The following EXOSC10 variants were observed in gnomAD, a reference collection of about 807,000 sequenced individuals.
The protein encoded by EXOSC10 is exosome complex component 10.
Under a neutral mutation model 126.6 loss-of-function variants are expected in EXOSC10, and 94 were observed. The ratio of observed to expected loss-of-function variants is 0.74; its 90% CI spans 0.63 to 0.88. EXOSC10 has a LOEUF of 0.88. Among genes scored for constraint, EXOSC10 ranks in the 40% least tolerant of loss-of-function variants. EXOSC10 has a pLI of 0.00. For synonymous variants in EXOSC10, 395 were observed against 400.8 expected (o/e 0.99, Z 0.17); for missense variants, 1,041 against 1,100.5 (o/e 0.95, Z 0.77).
chr1:11,074,252 G>A lies in EXOSC10; in HGVS notation c.2061C>T (p.Ser687=), dbSNP rs770358760. 9 of 1,613,770 alleles carry A rather than the reference G, an allele frequency of 5.6e-6. No homozygotes were observed. Among genetic ancestry groups the A allele is most frequent in the Non-Finnish European group, 6.8e-6 (8 of 1,179,804 alleles). Reference sequence around the variant, plus strand: ...TCACCATCCTAAATGGATTTTCAAAGGACTCCATGATGTTCTGGGCTTTTT... The same window carrying A: ...TCACCATCCTAAATGGATTTTCAAAAGACTCCATGATGTTCTGGGCTTTTT... ...AQKKAQNIME[S]FENPFRMFLP... is the part of the protein sequence containing the mutation. The change falls in exon 18 of 25, where the codon TCC becomes TCT. Residue 687 remains serine, a synonymous_variant. Transcript: ENST00000376936.
At chr1:11,079,873 T>TA (rs1640049859) in intron 13 of EXOSC10, 51 bp from the exon 14 acceptor site, 4 of 1,411,418 alleles carry the variant, frequency 2.8e-6, no homozygotes, top group Non-Finnish European at 3.9e-6. Context: ...ACGCAGCCCT[T>TA]AAAGGCTTCC....
chr1:11,069,259 G>GAGA (rs1553164212), intron 22 of EXOSC10, among the ~76,000 whole-genome samples: 2 of 132,466 alleles, frequency 1.5e-5, no homozygotes, highest in Admixed American at 8.3e-5. Flanking sequence ...GAGAGAGAGA[G>GAGA]GGTTTATGGG....
At chr1:11,083,622 T>A (rs1486835973) in intron 9 of EXOSC10, among the ~76,000 whole-genome samples, 96 of 146,260 alleles carry the variant, frequency 6.6e-4, no homozygotes, top group African/African-American at 1.0e-3. Context: ...GTTAAAAAAA[T>A]TTTTTTTTAA....
In EXOSC10 at chr1:11,088,835, T is replaced by C. The variant is rs865778654; in HGVS notation, c.759-637A>G. The stretch of plus-strand genomic sequence containing the variant: ...ATTTTTATCACCTTTTTGCATTATA[T>C]TAAAGGCAAAGTCCATTTGTCTATT... On this transcript the variant is annotated intron_variant, in intron 6 of 24. Coordinates refer to ENST00000376936, the MANE Select transcript of EXOSC10 (RefSeq NM_001001998.3). Among the ~76,000 whole-genome samples, 65 of 152,358 alleles carry C rather than the reference T, an allele frequency of 4.3e-4. 1 individual carries two copies. Among genetic ancestry groups the C allele is most frequent in the Admixed American group, 2.0e-3 (30 of 15,302 alleles).
intron 20 of EXOSC10, 53 bp downstream of exon 20, chr1:11,072,034 G>A (rs1423805083): frequency 1.4e-6 from 2 of 1,437,294 alleles, no homozygotes; most frequent in Non-Finnish European, 1.9e-6. Flanking sequence ...AACAGCGGGT[G>A]TGCAACAGCC....
At chr1:11,069,227 C>CTGTGTGGGTGTGTGTG (rs1639298696) in intron 22 of EXOSC10, among the ~76,000 whole-genome samples, 1 of 135,344 alleles carries the variant, frequency 7.4e-6, no homozygotes, top group African/African-American at 2.6e-5. Flanking sequence ...AAACAAAATT[C>CTGTGTGGGTGTGTGTG]TGTGTGTGTG....
chr1:11,081,712 T>A (rs2100983150), intron 10 of EXOSC10, among the ~76,000 whole-genome samples: 1 of 152,324 alleles, frequency 6.6e-6, no homozygotes, highest in Non-Finnish European at 1.5e-5. Context: ...AGGGAGTGGT[T>A]TTTAGATTTT....
chr1:11,069,877 C>CG (rs1570784749), intron 21 of EXOSC10, 147 bp from the exon 22 acceptor site: 1 of 819,870 alleles, frequency 1.2e-6, no homozygotes, highest in East Asian at 2.4e-5. Flanking sequence ...GCTGGAACTT[C>CG]GGGACCAACA....
chr1:11,070,591 T>C (rs1639423364), intron 21 of EXOSC10: 2 of 263,158 alleles, frequency 7.6e-6, no homozygotes, highest in East Asian at 1.4e-4. Context: ...GCAACATTTT[T>C]GTAGGACACA....
intron 3 of EXOSC10, chr1:11,095,367 G>A: frequency 6.4e-6 from 1 of 155,978 alleles, no homozygotes; most frequent in South Asian, 1.9e-4. Context: ...TGCCTGGGTT[G>A]CTCTGTCTAT....
chr1:11,087,254 C>T (rs191994668), intron 9 of EXOSC10, among the ~76,000 whole-genome samples, 194 bp downstream of exon 9: 18 of 152,176 alleles, frequency 1.2e-4, no homozygotes, highest in East Asian at 3.9e-4. Context: ...TTTTTCTGGG[C>T]GGTAACAAGC....
chr1:11,098,121 T>A lies in EXOSC10; in HGVS notation c.147A>T (p.Ala49=), dbSNP rs771269672. 2.5e-6 allele frequency: 4 copies of A among 1,612,280 alleles called. No individual in the cohort carries two copies. The highest frequency in any genetic ancestry group is 4.5e-5 in the East Asian group (2 of 44,822). Residue 49 remains alanine (A), a synonymous_variant, in exon 2 of 25, where the codon GCA becomes GCT. Coordinates refer to ENST00000376936, the MANE Select transcript of EXOSC10 (RefSeq NM_001001998.3). ...CGCCAAACTGTGGTAGGCCCCCAGA[T>A]GCCTTGGTGACTGCCACCACGGACC... The part of the protein sequence containing the change: ...ALGSVVAVTK[A]SGGLPQFGDE...
At chr1:11,084,808 G>A (rs1640398987) in intron 9 of EXOSC10, among the ~76,000 whole-genome samples, 1 of 152,122 alleles carries the variant, frequency 6.6e-6, no homozygotes, top group Non-Finnish European at 1.5e-5. Flanking sequence ...TTTGTATAAG[G>A]TGTAAGGAAG....
At chr1:11,099,519 G>C (rs1375969636) in intron 1 of EXOSC10, among the ~76,000 whole-genome samples, 3 of 152,202 alleles carry the variant, frequency 2.0e-5, no homozygotes, top group Non-Finnish European at 4.4e-5. Context: ...ACTTAGGCTC[G>C]CAAGCGGGAC....
chr1:11,095,653 G>A, intron 3 of EXOSC10, 105 bp downstream of exon 3: 1 of 1,023,856 alleles, frequency 9.8e-7, no homozygotes, highest in Non-Finnish European at 1.5e-6. Context: ...GGCAGAGCTT[G>A]CAGTGAGTCG....
At chr1:11,085,907 A>G (rs1640468516) in intron 9 of EXOSC10, among the ~76,000 whole-genome samples, 1 of 152,226 alleles carries the variant, frequency 6.6e-6, no homozygotes, top group South Asian at 2.1e-4. Context: ...GGTTCTGTTT[A>G]TACGCTGCAT....
At position 11,087,467 on chromosome 1, in the gene EXOSC10, G is replaced by C; in HGVS notation, c.1070C>G (p.Thr357Arg). The C allele has an allele frequency of 6.2e-7, 1 of 1,614,146 alleles. No individual in the cohort carries two copies. The highest frequency in any genetic ancestry group is 1.1e-5 in the South Asian group (1 of 91,086). The change falls in exon 9 of 25, where the codon ACA (threonine) becomes AGA (arginine). Residue 357 changes from threonine (T) to arginine (R), a missense_variant. Thr to Arg is a moderately conservative substitution (Grantham distance 71, BLOSUM62 -1). Transcript: ENST00000376936. ...GCTGACCTTAACGATGGCTGGGTCT[G>C]TGAGGCTCTCATTGAGAATGTACAT... ...SDMYILNESL[T>R]DPAIVKVFHG... is the part of the protein sequence containing the mutation.
chr1:11,068,739 C>G (rs773005141), intron 22 of EXOSC10, 33 bp from the exon 23 acceptor site: 2 of 1,564,826 alleles, frequency 1.3e-6, no homozygotes, highest in Non-Finnish European at 1.8e-6. Flanking sequence ...GACCTGCGGT[C>G]AGGTCAATGA....
At chr1:11,066,889 CACCAGAGTTGG>C in intron 24 of EXOSC10, 141 bp from the exon 25 acceptor site, 3 of 877,080 alleles carry the variant, frequency 3.4e-6, no homozygotes, top group Non-Finnish European at 5.6e-6. Context: ...CTCGGCGGCC[CACCAGAGTTGG>C]CTGAGCTGAG....
Sources: allele counts gnomAD v4.1 joint callset (sites outside exome capture counted in the v4.1 genomes callset), GRCh38; gene constraint gnomAD v4.1.1; transcripts MANE v1.5; gene names NCBI Gene and HGNC (gene_info 2026-07-23, HGNC 2026-07-21).